Variants in RORA observed in about 807,000 individuals in gnomAD.
RORA encodes the protein RAR related orphan receptor A.
RORA carries 7 observed loss-of-function variants against 69.5 expected under a neutral mutation model. That is an observed-to-expected ratio of 0.10 (90% CI 0.06 to 0.19). The LOEUF is 0.19. Among genes scored for constraint, RORA ranks in the 10% least tolerant of loss-of-function variants. The pLI is 1.00. For missense variants in RORA, 457 were observed against 663.0 expected, an observed-to-expected ratio of 0.69 and a Z score of 3.41; for synonymous variants, 261 against 240.8, an observed-to-expected ratio of 1.08 and a Z score of -0.78.
intron 1 of RORA, among the ~76,000 whole-genome samples, chr15:60,783,608 C>T (rs988925734): frequency 5.9e-5 from 9 of 152,166 alleles, no homozygotes; most frequent in African/African-American, 1.2e-4. Context: ...CTTAAAACGT[C>T]GCATCCTTGA....
chr15:60,515,342 T>C (rs903583077), intron 3 of RORA, among the ~76,000 whole-genome samples: 2 of 152,202 alleles, frequency 1.3e-5, no homozygotes, highest in Non-Finnish European at 2.9e-5. Flanking sequence ...AGATTGGGAA[T>C]ATTCCCTCAT....
rs35466644 is a variant in RORA, at chr15:60,981,099, A to ATT, written c.166+247952_166+247953dup. ...AGATACAAAATTCTTGGTTTACAGT[A>ATT]TTTTTTTTTTTTCAGCACTTTGAAT... On this transcript the variant is annotated intron_variant, in intron 1 of 10. Transcript: ENST00000335670. Among the ~76,000 whole-genome samples the ATT allele has an allele frequency of 2.2e-3, 321 of 146,564 alleles. 1 individual carries two copies. The highest frequency in any genetic ancestry group is 3.6e-3 in the Middle Eastern group (1 of 280).
intron 1 of RORA, among the ~76,000 whole-genome samples, chr15:60,855,599 G>T (rs2073370858): frequency 6.7e-6 from 1 of 149,144 alleles, no homozygotes; most frequent in Admixed American, 6.6e-5. Context: ...TTATTCTCTT[G>T]CAGTGTTTGC....
intron 1 of RORA, among the ~76,000 whole-genome samples, chr15:60,933,349 T>C (rs961476615): frequency 1.3e-5 from 2 of 152,232 alleles, no homozygotes; most frequent in East Asian, 3.8e-4. Context: ...TCCCTAAATG[T>C]ACTGTGCATT....
At chr15:60,800,708 C>T (rs1489538640) in intron 1 of RORA, among the ~76,000 whole-genome samples, 2 of 152,146 alleles carry the variant, frequency 1.3e-5, no homozygotes, top group Non-Finnish European at 2.9e-5. Context: ...GTCTACCCCA[C>T]ACAGCATCTA....
intron 1 of RORA, among the ~76,000 whole-genome samples, chr15:60,818,692 AT>A (rs2072849398): frequency 6.6e-6 from 1 of 152,222 alleles, no homozygotes; most frequent in African/African-American, 2.4e-5. Context: ...TGAAGAGTGG[AT>A]TCTTGCTTTT....
At chr15:60,856,838 G>T (rs2073385443) in intron 1 of RORA, among the ~76,000 whole-genome samples, 1 of 152,338 alleles carries the variant, frequency 6.6e-6, no homozygotes, top group South Asian at 2.1e-4. Flanking sequence ...GAGGGAGAAG[G>T]GGTGCTATTC....
chr15:60,653,888 C>T lies in RORA; in HGVS notation c.196+24769G>A, dbSNP rs1312692831. Among the ~76,000 whole-genome samples the T allele has an allele frequency of 5.3e-5, 8 of 152,048 alleles. No individual in the cohort carries two copies. In the East Asian group the frequency reaches 1.5e-3, roughly 29 times the overall value. ...AATGTTATGATTTGTGTTTCAGATA[C>T]CCTAGGGTATCATGTTTTTCATCTT... is the stretch of plus-strand genomic sequence containing the variant. On this transcript the variant is annotated intron_variant, in intron 2 of 10. Transcript: ENST00000335670.
At chr15:60,767,687 T>C (rs763293015) in intron 1 of RORA, among the ~76,000 whole-genome samples, 14 of 152,238 alleles carry the variant, frequency 9.2e-5, no homozygotes, top group Non-Finnish European at 1.8e-4. Flanking sequence ...GGTCATTTGA[T>C]CACTTCTTGT....
intron 1 of RORA, among the ~76,000 whole-genome samples, chr15:61,050,652 T>C (rs905423222): frequency 6.6e-6 from 1 of 152,154 alleles, no homozygotes; most frequent in Non-Finnish European, 1.5e-5. Flanking sequence ...GAGTAAAACA[T>C]ACACAGGGCG....
At chr15:60,735,384 C>A (rs1227400686) in intron 1 of RORA, among the ~76,000 whole-genome samples, 2 of 152,104 alleles carry the variant, frequency 1.3e-5, no homozygotes, top group African/African-American at 4.8e-5. Flanking sequence ...AGAGGGAGAA[C>A]AGCAAGTGTT....
intron 1 of RORA, among the ~76,000 whole-genome samples, chr15:60,809,788 T>TG (rs1056022323): frequency 4.3e-4 from 33 of 75,896 alleles, no homozygotes; most frequent in South Asian, 1.4e-3. Context: ...TATAATATTA[T>TG]GTTTTTTTTT....
chr15:60,702,050 G>T (rs891552444), intron 1 of RORA, among the ~76,000 whole-genome samples: 4 of 152,192 alleles, frequency 2.6e-5, no homozygotes, highest in Non-Finnish European at 5.9e-5. Flanking sequence ...TCTGAGAGAG[G>T]TAGTTTAGGA....
intron 1 of RORA, among the ~76,000 whole-genome samples, chr15:60,868,079 A>G (rs2073509907): frequency 6.6e-6 from 1 of 152,230 alleles, no homozygotes; most frequent in Non-Finnish European, 1.5e-5. Context: ...ATATAAATAT[A>G]CAAATAACAC....
intron 1 of RORA, among the ~76,000 whole-genome samples, chr15:61,155,598 C>A (rs182473795): frequency 2.6e-5 from 4 of 152,278 alleles, no homozygotes; most frequent in Admixed American, 2.6e-4. Flanking sequence ...TGGAAGATTC[C>A]TTGGGCTATC....
chr15:61,064,652 C>T (rs779141743), intron 1 of RORA, among the ~76,000 whole-genome samples: 120 of 152,252 alleles, frequency 7.9e-4, no homozygotes, highest in Non-Finnish European at 1.1e-3. Context: ...TGAAAAAAAA[C>T]TCAGATTTAC....
chr15:61,136,184 C>A (rs1188641423), intron 1 of RORA, among the ~76,000 whole-genome samples: 1 of 151,708 alleles, frequency 6.6e-6, no homozygotes, highest in Non-Finnish European at 1.5e-5. Context: ...CCCTCCCCCA[C>A]CCAAATATTA....
At chr15:60,856,325 C>T (rs2073379759) in intron 1 of RORA, among the ~76,000 whole-genome samples, 1 of 152,206 alleles carries the variant, frequency 6.6e-6, no homozygotes. Flanking sequence ...TTCTTTTCCT[C>T]TCAACCCTCC....
intron 1 of RORA, among the ~76,000 whole-genome samples, chr15:60,775,734 G>T (rs1428530688): frequency 6.6e-6 from 1 of 152,154 alleles, no homozygotes; most frequent in African/African-American, 2.4e-5. Flanking sequence ...TGAACAGTAT[G>T]GTGTTGCAGA....
Sources: allele counts gnomAD v4.1 joint callset (sites outside exome capture counted in the v4.1 genomes callset), GRCh38; gene constraint gnomAD v4.1.1; transcripts MANE v1.5; gene names NCBI Gene and HGNC (gene_info 2026-07-23, HGNC 2026-07-21).